TOX: variants seen among roughly 807,000 people sequenced by gnomAD.
TOX encodes the protein thymocyte selection-associated high mobility group box protein TOX.
TOX carries 11 observed loss-of-function variants against 53.7 expected under a neutral mutation model. The observed-to-expected ratio is 0.20, with a 90% CI of 0.13 to 0.34. The LOEUF (loss-of-function observed/expected upper bound fraction) is 0.34. TOX is among the 10% of genes least tolerant of loss of function. The pLI, the probability that TOX is intolerant of heterozygous loss-of-function variation, is 1.00. For missense variants in TOX, 570 were observed against 664.6 expected (o/e 0.86, Z 1.56); for synonymous variants, 225 against 245.3 (o/e 0.92, Z 0.77).
intron 2 of TOX, among the ~76,000 whole-genome samples, chr8:58,959,728 G>C (rs1812770146): frequency 6.6e-6 from 1 of 152,196 alleles, no homozygotes; most frequent in Non-Finnish European, 1.5e-5. Context: ...TGACGTTCTG[G>C]AGAGGAAACA....
chr8:58,958,350 A>G (rs2129178300), intron 2 of TOX, among the ~76,000 whole-genome samples: 1 of 152,346 alleles, frequency 6.6e-6, no homozygotes, highest in East Asian at 1.9e-4. Flanking sequence ...ACTCTTTAAG[A>G]CGGACATAAT....
chr8:58,940,160 A>T (rs1237515516), intron 2 of TOX, among the ~76,000 whole-genome samples: 1 of 152,230 alleles, frequency 6.6e-6, no homozygotes, highest in Non-Finnish European at 1.5e-5. Flanking sequence ...CAAAGTGAAG[A>T]TTACTTTTAT....
At chr8:58,900,789 T>C (rs1811724281) in intron 3 of TOX, among the ~76,000 whole-genome samples, 1 of 152,056 alleles carries the variant, frequency 6.6e-6, no homozygotes, top group African/African-American at 2.4e-5. Context: ...CATACTAAGA[T>C]GAAGATGTTT....
At chr8:59,080,268 A>G (rs1038582594) in intron 1 of TOX, among the ~76,000 whole-genome samples, 1 of 152,114 alleles carries the variant, frequency 6.6e-6, no homozygotes, top group African/African-American at 2.4e-5. Flanking sequence ...GGCGTGAGCC[A>G]CTGCACCCAG....
chr8:58,986,576 T>C (rs565638873), intron 1 of TOX, among the ~76,000 whole-genome samples: 2 of 152,212 alleles, frequency 1.3e-5, no homozygotes, highest in East Asian at 3.8e-4. Flanking sequence ...AACCCAGACA[T>C]TGAAATGTAT....
At chr8:59,113,297 G>T (rs1805051012) in intron 1 of TOX, among the ~76,000 whole-genome samples, 2 of 152,170 alleles carry the variant, frequency 1.3e-5, no homozygotes, top group African/African-American at 4.8e-5. Flanking sequence ...ATGGTAGGGG[G>T]TGTGGAAGGG....
chr8:59,074,194 G>A (rs927368631), intron 1 of TOX, among the ~76,000 whole-genome samples: 3 of 152,248 alleles, frequency 2.0e-5, no homozygotes, highest in Middle Eastern at 3.4e-3. Flanking sequence ...GAGAGGCAAG[G>A]AACTTGTGTT....
At chr8:59,048,782 A>G (rs1044398596) in intron 1 of TOX, among the ~76,000 whole-genome samples, 9 of 152,184 alleles carry the variant, frequency 5.9e-5, no homozygotes, top group African/African-American at 2.2e-4. Flanking sequence ...CATCGGGTAA[A>G]TGGGGTATCC....
chr8:58,953,181 C>T (rs1314226331), intron 2 of TOX, among the ~76,000 whole-genome samples: 1 of 151,942 alleles, frequency 6.6e-6, no homozygotes, highest in African/African-American at 2.4e-5. Flanking sequence ...AGTTCAACAA[C>T]ATCAATGTGG....
intron 4 of TOX, among the ~76,000 whole-genome samples, chr8:58,846,477 T>A: frequency 6.6e-6 from 1 of 152,152 alleles, no homozygotes; most frequent in Non-Finnish European, 1.5e-5. Flanking sequence ...CCTGTCTGTT[T>A]CTCATTTCTA....
chr8:58,834,767 C>T (rs1810519941), intron 5 of TOX, among the ~76,000 whole-genome samples: 1 of 152,062 alleles, frequency 6.6e-6, no homozygotes, highest in Non-Finnish European at 1.5e-5. Context: ...TTAATTTGAC[C>T]CTCTCCCTGC....
At chr8:58,952,413 C>A (rs920319720) in intron 2 of TOX, among the ~76,000 whole-genome samples, 8 of 152,256 alleles carry the variant, frequency 5.3e-5, no homozygotes, top group Admixed American at 2.6e-4. Context: ...GAAAAGAATA[C>A]AACATGTTAT....
chr8:58,997,557 G>A (rs1219196228), intron 1 of TOX, among the ~76,000 whole-genome samples: 3 of 152,164 alleles, frequency 2.0e-5, no homozygotes, highest in Non-Finnish European at 4.4e-5. Flanking sequence ...GGTGGTCAGT[G>A]TCACTAAGTT....
At chr8:59,007,215 T>G (rs1400122039) in intron 1 of TOX, among the ~76,000 whole-genome samples, 1 of 104,938 alleles carries the variant, frequency 9.5e-6, no homozygotes, top group Non-Finnish European at 2.3e-5. Flanking sequence ...AATAAGGGGC[T>G]GTCATCTTTT....
chr8:58,848,312 AG>A (rs1293398073), intron 4 of TOX, among the ~76,000 whole-genome samples: 1 of 152,050 alleles, frequency 6.6e-6, no homozygotes, highest in Non-Finnish European at 1.5e-5. Flanking sequence ...AAAGAAGATG[AG>A]GAAAAAAAAG....
In TOX at chr8:59,009,334, C is replaced by T. The variant is rs942728109; in HGVS notation, c.103-49326G>A. Among the ~76,000 whole-genome samples the T allele has an allele frequency of 2.0e-5, 3 of 151,066 alleles. No individual in the cohort carries two copies. The South Asian group carries it at 6.3e-4, about 32-fold the overall frequency. On this transcript the variant is annotated intron_variant, in intron 1 of 8. Coordinates refer to ENST00000361421, the MANE Select transcript of TOX (RefSeq NM_014729.3). ...TCCTTCTTTCCTTCTTTCCTTCCTT[C>T]CTTCCTTTCCTTCCCTCCTTTCTTT... is the stretch of plus-strand genomic sequence containing the variant.
chr8:59,113,097 T>C (rs917566893), intron 1 of TOX, among the ~76,000 whole-genome samples: 1 of 152,230 alleles, frequency 6.6e-6, no homozygotes, highest in Non-Finnish European at 1.5e-5. Flanking sequence ...TATCTATGTA[T>C]ATTCTGATGA....
At chr8:59,048,113 C>T (rs1004851777) in intron 1 of TOX, among the ~76,000 whole-genome samples, 17 of 152,128 alleles carry the variant, frequency 1.1e-4, no homozygotes, top group Admixed American at 3.9e-4. Flanking sequence ...CTGTCTTGTT[C>T]TCAAGATCAA....
At position 58,837,945 on chromosome 8, in the gene TOX, G is replaced by A. The variant is rs1810574044; in HGVS notation, c.924+136C>T. ...TAACATTATGTGAACGTCTCAGAAA[G>A]TCTGGTTCGGATGGGGACACCTTCT... is the stretch of plus-strand genomic sequence containing the variant. On this transcript the variant is annotated intron_variant, in intron 5 of 8. Coordinates refer to ENST00000361421, the MANE Select transcript of TOX (RefSeq NM_014729.3). The A allele has an allele frequency of 7.1e-6, 5 of 706,696 alleles. No homozygotes were observed. The East Asian group carries it at 1.3e-4, about 19-fold the overall frequency. 43.8% of individuals were successfully genotyped at this position (706,696 alleles called of 1,614,324 possible).
Sources: gnomAD v4.1 joint callset for allele counts (sites outside exome capture counted in the v4.1 genomes callset) on GRCh38, gnomAD v4.1.1 for gene constraint, MANE v1.5 for transcripts, NCBI Gene and HGNC (gene_info 2026-07-23, HGNC 2026-07-21) for gene names.